Variants in BSCL2 observed in about 807,000 individuals in gnomAD.
BSCL2 encodes the protein BSCL2 lipid droplet biogenesis associated, seipin.
A neutral mutation model predicts 57.4 loss-of-function variants in BSCL2; 41 were observed. The observed-to-expected ratio is 0.71, with a 90% CI of 0.56 to 0.93. The LOEUF (loss-of-function observed/expected upper bound fraction) is 0.93, where lower values mean the gene tolerates loss of function less well. Among genes scored for constraint, BSCL2 ranks in the 40% least tolerant of loss-of-function variants. The probability of loss-of-function intolerance (pLI) is 0.00; values close to 1 mark genes in which losing one functional copy is unlikely to be tolerated. For synonymous variants in BSCL2, 237 were observed against 227.3 expected, an observed-to-expected ratio of 1.04 and a Z score of -0.38; for missense variants, 539 against 586.7, an observed-to-expected ratio of 0.92 and a Z score of 0.84.
intron 3 of BSCL2, among the ~76,000 whole-genome samples, chr11:62,700,084 TAAAA>T (rs34412546): frequency 2.5e-5 from 2 of 80,222 alleles, no homozygotes; most frequent in Non-Finnish European, 4.8e-5. Flanking sequence ...TACTAAAAAT[TAAAA>T]AAAAAAAAAA....
chr11:62,690,953 C>T, intron 8 of BSCL2, 86 bp from the exon 9 acceptor site: 2 of 1,577,724 alleles, frequency 1.3e-6, no homozygotes, highest in Non-Finnish European at 1.7e-6. Flanking sequence ...CCTCGCCTTT[C>T]CTTTGACCCT....
At chr11:62,694,471 C>G in intron 4 of BSCL2, 97 bp downstream of exon 4, 1 of 1,582,302 alleles carries the variant, frequency 6.3e-7, no homozygotes, top group South Asian at 1.1e-5. Flanking sequence ...TCCCAAACTG[C>G]TGGGATTATA....
rs779199750 is a variant in BSCL2, at chr11:62,691,281, T to G, written c.1004A>C (p.Gln335Pro). The change falls in exon 7 of 11, where the codon CAG (glutamine) becomes CCG (proline). Residue 335 changes from glutamine (Q) to proline (P), a missense_variant and splice_region_variant. Gln to Pro is a moderately conservative substitution (Grantham distance 76). Coordinates refer to ENST00000360796, the MANE Select transcript of BSCL2 (RefSeq NM_001122955.4). ...GIWPRHRFSL[Q>P]VNIRKRDNSR... is the part of the protein sequence containing the mutation. Reference sequence around the variant, plus strand: ...AAGGGGGTCCTTGCCCCTTTCGACCTGCAAAGAGAAGCGGTGTCGGGGCCA... The same window carrying G: ...AAGGGGGTCCTTGCCCCTTTCGACCGGCAAAGAGAAGCGGTGTCGGGGCCA... 2.9e-5 allele frequency: 46 copies of G among 1,613,986 alleles called. No homozygotes were observed. The highest frequency in any genetic ancestry group is 3.8e-5 in the Non-Finnish European group (45 of 1,180,010).
chr11:62,691,016 T>C (rs1442061862), intron 8 of BSCL2, 59 bp downstream of exon 8: 1 of 1,600,800 alleles, frequency 6.2e-7, no homozygotes, highest in East Asian at 2.2e-5. Context: ...AGGGACTCCT[T>C]CTGGCCCAGC....
Position 62,694,618 on chromosome 11 carries a change from T to C in BSCL2, c.580A>G (p.Ile194Val). ...CGGCCACCTCTGGTGTAGCAGGAAA[T>C]GGTGACCAAGAACATGCCCAAATCT... ...NQDLGMFLVT[I>V]SCYTRGGRII... Residue 194 changes from isoleucine (I) to valine (V), a missense_variant, in exon 4 of 11, where the codon ATT (isoleucine) becomes GTT (valine). Physicochemically the swap from Ile to Val is conservative, Grantham distance 29. Around this residue, in one of 3 missense-constraint regions of BSCL2, gnomAD observed 73 missense variants for 122.0 expected, o/e 0.60. Coordinates refer to ENST00000360796, the MANE Select transcript of BSCL2 (RefSeq NM_001122955.4). 1 of 1,614,098 alleles carries C rather than the reference T, an allele frequency of 6.2e-7. No individual in the cohort carries two copies. The highest frequency in any genetic ancestry group is 8.5e-7 in the Non-Finnish European group (1 of 1,180,024).
chr11:62,690,862 C>G lies in BSCL2; in HGVS notation c.1078G>C (p.Glu360Gln). 6.2e-7 allele frequency: 1 copy of G among 1,613,490 alleles called. No homozygotes were observed. Among genetic ancestry groups the G allele is most frequent in the Non-Finnish European group, 8.5e-7 (1 of 1,179,932 alleles). ...TGCGGAGTTGACTCCTCCTGGCCTT[C>G]AGGCCCTGCACCTCCAAAGAGGGAG... The part of the protein sequence containing the change: ...RRISAHQPGP[E>Q]GQEESTPQSD... Residue 360 changes from glutamate to glutamine, a missense_variant, in exon 9 of 11, where the codon GAA (glutamate) becomes CAA (glutamine). Coordinates refer to ENST00000360796, the MANE Select transcript of BSCL2 (RefSeq NM_001122955.4).
At chr11:62,701,401 A>G (rs1945634273) in intron 3 of BSCL2, among the ~76,000 whole-genome samples, 1 of 152,220 alleles carries the variant, frequency 6.6e-6, no homozygotes, top group South Asian at 2.1e-4. Context: ...AGAACATCAT[A>G]GCTTACTTAG....
intron 1 of BSCL2, chr11:62,706,269 C>T: frequency 5.5e-6 from 6 of 1,097,354 alleles, no homozygotes; most frequent in Non-Finnish European, 6.8e-6. Flanking sequence ...CAGCCTCGCG[C>T]GCTGCCAGGG....
At chr11:62,706,360 G>T in intron 1 of BSCL2, 1 of 1,065,376 alleles carries the variant, frequency 9.4e-7, no homozygotes. Context: ...GGGAGGCGGG[G>T]CTTCAGCCCA....
upstream of BSCL2, chr11:62,708,245 G>A (rs2083576315): frequency 8.4e-7 from 1 of 1,189,828 alleles, no homozygotes; most frequent in Non-Finnish European, 1.3e-6. Flanking sequence ...TGAGCATGGA[G>A]GGGGGCCTCC....
At position 62,692,569 on chromosome 11, in the gene BSCL2, G is replaced by A. The variant is rs140455908; in HGVS notation, c.765+94C>T. On this transcript the variant is annotated intron_variant, in intron 5 of 10. Coordinates refer to ENST00000360796, the MANE Select transcript of BSCL2 (RefSeq NM_001122955.4). ...GAGCCCCACTTCCAGTCTCTCAGTT[G>A]TGATGTCTCCTGAGCCTGGAGGCTT... 179 of 1,611,846 alleles carry A rather than the reference G, an allele frequency of 1.1e-4. 3 individuals are homozygous for A. In the African/African-American group the frequency reaches 1.6e-3, roughly 14 times the overall value.
At position 62,691,098 on chromosome 11, in the gene BSCL2, C is replaced by T. The variant is rs749917957; in HGVS notation, c.1049G>A (p.Arg350Gln). The change falls in exon 8 of 11, where the codon CGA (arginine) becomes CAA (glutamine). Residue 350 changes from arginine (R) to glutamine (Q), a missense_variant. Physicochemically the swap from Arg to Gln is conservative, Grantham distance 43. Around this residue, in one of 3 missense-constraint regions of BSCL2, gnomAD observed 248 missense variants for 239.9 expected, o/e 1.03. Coordinates refer to ENST00000360796, the MANE Select transcript of BSCL2 (RefSeq NM_001122955.4). ...KRDNSRKEVQ[R>Q]RISAHQPGPE... is the part of the protein sequence containing the mutation. ...ACCTGGCTGATGAGCAGAGATCCTT[C>T]GTTGGACTTCCTTCCGGGAATTGTC... 5.0e-5 allele frequency: 81 copies of T among 1,614,126 alleles called. No homozygotes were observed. Among genetic ancestry groups the T allele is most frequent in the African/African-American group, 1.2e-4 (9 of 74,950 alleles).
chr11:62,696,818 G>C (rs898974085), intron 3 of BSCL2, among the ~76,000 whole-genome samples: 10 of 152,044 alleles, frequency 6.6e-5, no homozygotes, highest in African/African-American at 2.4e-4. Flanking sequence ...GCCTCCCAAA[G>C]TGCTGGGATT....
intron 4 of BSCL2, among the ~76,000 whole-genome samples, chr11:62,693,178 T>C (rs1456160242): frequency 2.6e-5 from 4 of 152,052 alleles, no homozygotes; most frequent in Non-Finnish European, 4.4e-5. Context: ...CATGATGAGG[T>C]TGTGTTGTTA....
At chr11:62,706,396 G>A (rs1482491695) in intron 1 of BSCL2, 1 of 739,602 alleles carries the variant, frequency 1.4e-6, no homozygotes. Context: ...CGGCGGGGCG[G>A]GGCGGGACGG....
chr11:62,693,690 C>T (rs1486286901), intron 4 of BSCL2, among the ~76,000 whole-genome samples: 1 of 152,168 alleles, frequency 6.6e-6, no homozygotes, highest in Non-Finnish European at 1.5e-5. Context: ...AAGCCCATGT[C>T]TGTCTGGCTC....
chr11:62,705,282 G>C lies in BSCL2; in HGVS notation c.404+19C>G. 1 of 1,590,182 alleles carries C rather than the reference G, an allele frequency of 6.3e-7. No individual in the cohort carries two copies. Among genetic ancestry groups the C allele is most frequent in the Non-Finnish European group, 8.6e-7 (1 of 1,166,594 alleles). On this transcript the variant is annotated intron_variant, in intron 2 of 10. Transcript: ENST00000360796. ...AATTCCCATAGGAGTCCTCTATTTT[G>C]ATAGAAGGCCCCTCTCACCTGTAGT...
In BSCL2 at chr11:62,691,109, C is replaced by A. The variant is rs1565143263; in HGVS notation, c.1038G>T (p.Lys346Asn). The A allele has an allele frequency of 6.2e-7, 1 of 1,614,234 alleles. No individual in the cohort carries two copies. The highest frequency in any genetic ancestry group is 8.5e-7 in the Non-Finnish European group (1 of 1,180,044). Reference sequence around the variant, plus strand: ...GAGCAGAGATCCTTCGTTGGACTTCCTTCCGGGAATTGTCTCTTTTTCGGA... The same window carrying A: ...GAGCAGAGATCCTTCGTTGGACTTCATTCCGGGAATTGTCTCTTTTTCGGA... ...VNIRKRDNSR[K>N]EVQRRISAHQ... The change falls in exon 8 of 11, where the codon AAG becomes AAT. Residue 346 changes from lysine (K) to asparagine (N), a missense_variant. Coordinates refer to ENST00000360796, the MANE Select transcript of BSCL2 (RefSeq NM_001122955.4).
At chr11:62,695,896 G>A (rs933115370) in intron 3 of BSCL2, among the ~76,000 whole-genome samples, 12 of 151,232 alleles carry the variant, frequency 7.9e-5, no homozygotes, top group East Asian at 2.0e-4. Flanking sequence ...TCTGTTGGCC[G>A]GGCGCGGTTG....
Sources: gnomAD v4.1 joint callset for allele counts (sites outside exome capture counted in the v4.1 genomes callset) on GRCh38, gnomAD v4.1.1 for gene constraint, gnomAD v4.1.1 regional missense constraint, MANE v1.5 for transcripts, NCBI Gene and HGNC (gene_info 2026-07-23, HGNC 2026-07-21) for gene names.